The following WFDC11 variants were observed in gnomAD, a reference collection of about 807,000 sequenced individuals.
WFDC11 encodes protein WFDC11.
Under a neutral mutation model 9.9 loss-of-function variants are expected in WFDC11, and 9 were observed. The observed-to-expected ratio is 0.91, with a 90% CI of 0.55 to 1.58. The LOEUF is 1.58. Among genes scored for constraint, WFDC11 ranks in the 40% most tolerant of loss-of-function variants. The pLI is 0.00. For missense variants in WFDC11, 106 were observed against 101.7 expected (o/e 1.04, Z -0.18); for synonymous variants, 32 against 33.3 (o/e 0.96, Z 0.13).
Position 45,649,406 on chromosome 20 carries a change from T to A in WFDC11, c.101-7A>T. 1 of 1,613,450 alleles carries A rather than the reference T, an allele frequency of 6.2e-7. No homozygotes were observed. On this transcript the variant is annotated splice_region_variant and splice_polypyrimidine_tract_variant and intron_variant, in intron 3 of 4. Transcript: ENST00000324384. ...TCAAGTAACAATTCCTTCCCTGAAA[T>A]TGAGATGAGATGGTCAAAGGTTGAT...
At position 45,659,047 on chromosome 20, in the gene WFDC11, C is replaced by G. The variant is rs1220557166; in HGVS notation, c.-52+8041G>C. The stretch of plus-strand genomic sequence containing the variant: ...TCCCTACAAAGGACATGAACTCATC[C>G]CTTTTTATGACTGCATAGTATTCCA... On this transcript the variant is annotated intron_variant, in intron 2 of 4. Coordinates refer to ENST00000324384, the MANE Select transcript of WFDC11 (RefSeq NM_147197.2). 3.3e-5 allele frequency among the ~76,000 whole-genome samples: 5 copies of G among 152,304 alleles called. No individual in the cohort carries two copies. The South Asian group carries it at 8.3e-4, about 25-fold the overall frequency.
rs1197805891 is a variant in WFDC11, at chr20:45,648,758, A to G, written c.244-19T>C. Reference sequence around the variant, plus strand: ...TGGTTTCCTGTAAAACAAAAAGGTTAGATTTTTAGAGGCTAGAGAACTCTG... The same window carrying G: ...TGGTTTCCTGTAAAACAAAAAGGTTGGATTTTTAGAGGCTAGAGAACTCTG... On this transcript the variant is annotated intron_variant, in intron 4 of 4. Coordinates refer to ENST00000324384, the MANE Select transcript of WFDC11 (RefSeq NM_147197.2). The G allele has an allele frequency of 6.2e-7, 1 of 1,613,760 alleles. No individual in the cohort carries two copies. The highest frequency in any genetic ancestry group is 1.3e-5 in the African/African-American group (1 of 74,938).
intron 2 of WFDC11, among the ~76,000 whole-genome samples, chr20:45,651,377 T>G (rs535494329): frequency 3.7e-4 from 56 of 150,574 alleles, no homozygotes; most frequent in African/African-American, 1.3e-3. Context: ...TCTGGAGGGG[T>G]TTTTTTTGTT....
At chr20:45,660,699 G>A (rs1379940976) in intron 2 of WFDC11, among the ~76,000 whole-genome samples, 1 of 152,124 alleles carries the variant, frequency 6.6e-6, no homozygotes, top group Non-Finnish European at 1.5e-5. Flanking sequence ...GGTTTACTGA[G>A]AATGATGATT....
At chr20:45,649,529 C>T in intron 3 of WFDC11, 130 bp from the exon 4 acceptor site, 1 of 1,175,042 alleles carries the variant, frequency 8.5e-7, no homozygotes, top group Middle Eastern at 2.0e-4. Context: ...TATCTATTTG[C>T]CTTTTAAGGG....
At chr20:45,655,047 A>G (rs930086750) in intron 2 of WFDC11, among the ~76,000 whole-genome samples, 2 of 152,218 alleles carry the variant, frequency 1.3e-5, no homozygotes, top group African/African-American at 4.8e-5. Context: ...ATTCCAATCA[A>G]TAGAAAAAGA....
At chr20:45,657,291 G>A (rs1378776615) in intron 2 of WFDC11, among the ~76,000 whole-genome samples, 1 of 152,024 alleles carries the variant, frequency 6.6e-6, no homozygotes, top group African/African-American at 2.4e-5. Context: ...TAGGGACATG[G>A]ATGAAGCTAG....
At chr20:45,665,940 C>G (rs938929995) in intron 2 of WFDC11, among the ~76,000 whole-genome samples, 9 of 152,158 alleles carry the variant, frequency 5.9e-5, no homozygotes, top group African/African-American at 2.2e-4. Context: ...CTGGGAGAAC[C>G]ACTGCTCTCT....
At chr20:45,654,113 A>C (rs1982869296) in intron 2 of WFDC11, among the ~76,000 whole-genome samples, 1 of 152,186 alleles carries the variant, frequency 6.6e-6, no homozygotes, top group Admixed American at 6.5e-5. Flanking sequence ...TCCACCCCAA[A>C]TCAACAGAAT....
chr20:45,650,075 C>T (rs1268886022), intron 3 of WFDC11, among the ~76,000 whole-genome samples: 2 of 152,124 alleles, frequency 1.3e-5, no homozygotes, highest in East Asian at 3.9e-4. Flanking sequence ...ATTTGGTACT[C>T]ATATGACAAA....
rs1568664872 is a variant in WFDC11 at position 45,667,345 on chromosome 20, A to G, written c.-133-176T>C. On this transcript the variant is annotated intron_variant, in intron 1 of 4. Transcript: ENST00000324384. ...CTTCTTTTTGCTGCAGGCAATATAG[A>G]TAGAGACAGAACACTGTGGACCTGC... Among the ~76,000 whole-genome samples, 6 of 152,240 alleles carry G rather than the reference A, an allele frequency of 3.9e-5. No homozygotes were observed. The South Asian group carries it at 1.0e-3, about 26-fold the overall frequency.
At chr20:45,664,274 G>A (rs1389763038) in intron 2 of WFDC11, among the ~76,000 whole-genome samples, 1 of 151,914 alleles carries the variant, frequency 6.6e-6, no homozygotes, top group African/African-American at 2.4e-5. Context: ...CATTTGCTTA[G>A]TAGATCGGCC....
chr20:45,653,224 G>T (rs1288117987), intron 2 of WFDC11, among the ~76,000 whole-genome samples: 1 of 152,150 alleles, frequency 6.6e-6, no homozygotes, highest in African/African-American at 2.4e-5. Flanking sequence ...ACTAACAGTG[G>T]ATCTCTCGGC....
At chr20:45,667,548 C>T (rs1029872608) in intron 1 of WFDC11, among the ~76,000 whole-genome samples, 2 of 152,180 alleles carry the variant, frequency 1.3e-5, no homozygotes, top group Non-Finnish European at 2.9e-5. Context: ...TTGCTAGCAT[C>T]AGCCTAACAC....
Position 45,649,343 on chromosome 20 carries a change from T to C in WFDC11, c.157A>G (p.Asn53Asp). The change falls in exon 4 of 5, where the codon AAT (asparagine) becomes GAT (aspartate). Residue 53 changes from asparagine to aspartate, a missense_variant. By Grantham distance (23) the Asn-to-Asp change is conservative. Transcript: ENST00000324384. ...CATCTAAAGGCTTTAGAACACTTAT[T>C]GGTACATTCTTTGACATTTGGCTTT... is the stretch of plus-strand genomic sequence containing the variant. ...WGKPNVKECT[N>D]KCSKAFRCKD... 6.2e-7 allele frequency: 1 copy of C among 1,614,210 alleles called. No individual in the cohort carries two copies. Among genetic ancestry groups the C allele is most frequent in the South Asian group, 1.1e-5 (1 of 91,072 alleles).
chr20:45,660,840 A>G (rs1217833885), intron 2 of WFDC11, among the ~76,000 whole-genome samples: 1 of 152,188 alleles, frequency 6.6e-6, no homozygotes, highest in Non-Finnish European at 1.5e-5. Flanking sequence ...GCTCGGTTCC[A>G]AGTCTTTGCT....
At position 45,650,561 on chromosome 20, in the gene WFDC11, T is replaced by A. The variant is rs200555426; in HGVS notation, c.40A>T (p.Thr14Ser). Reference protein sequence around the residue: ...LMKLWIPMLMTFFCTVLLSVL... With the variant: ...LMKLWIPMLMSFFCTVLLSVL... ...GACAGTAGCACCGTACAGAAGAATGTCATGAGCATGGGTATCCAGAGCTTC... is the reference window on the plus strand; with the variant it reads ...GACAGTAGCACCGTACAGAAGAATGACATGAGCATGGGTATCCAGAGCTTC... Residue 14 changes from threonine to serine, a missense_variant, in exon 3 of 5, where the codon ACA becomes TCA. Physicochemically the swap from Thr to Ser is moderately conservative, Grantham distance 58. Transcript: ENST00000324384. 7.1e-5 allele frequency: 115 copies of A among 1,614,006 alleles called. No homozygotes were observed. Among genetic ancestry groups the A allele is most frequent in the Non-Finnish European group, 1.0e-5 (12 of 1,180,034 alleles).
chr20:45,663,621 G>A (rs1350408493), intron 2 of WFDC11, among the ~76,000 whole-genome samples: 5 of 152,194 alleles, frequency 3.3e-5, no homozygotes, highest in South Asian at 2.1e-4. Flanking sequence ...ATTCTGGTAC[G>A]CTGTGTCTTT....
At chr20:45,666,747 C>T (rs1031924406) in intron 2 of WFDC11, among the ~76,000 whole-genome samples, 13 of 152,176 alleles carry the variant, frequency 8.5e-5, no homozygotes, top group Admixed American at 8.5e-4. Context: ...TGGAAGAATA[C>T]AGCCAACCTT....
Sources: allele counts gnomAD v4.1 joint callset (sites outside exome capture counted in the v4.1 genomes callset), GRCh38; gene constraint gnomAD v4.1.1; transcripts MANE v1.5; gene names NCBI Gene and HGNC (gene_info 2026-07-23, HGNC 2026-07-21).